The following ETV6 variants were observed in gnomAD, a reference collection of about 807,000 sequenced individuals.
ETV6 encodes the protein ETS variant transcription factor 6, also known as transcription factor ETV6.
In ETV6, 16 loss-of-function variants were observed where a neutral mutation model predicts 51.1. That is an observed-to-expected ratio of 0.31 (90% CI 0.21 to 0.48). The LOEUF is 0.48. Among genes scored for constraint, ETV6 ranks in the 20% least tolerant of loss-of-function variants. The probability of loss-of-function intolerance (pLI) is 0.99; values close to 1 mark genes in which losing one functional copy is unlikely to be tolerated. For synonymous variants in ETV6, 240 were observed against 224.1 expected, an observed-to-expected ratio of 1.07 and a Z score of -0.64; for missense variants, 458 against 594.8, an observed-to-expected ratio of 0.77 and a Z score of 2.39.
In ETV6 at chr12:11,891,456, C is replaced by G; in HGVS notation, c.*410C>G. 2.9e-6 allele frequency: 1 copy of G among 343,574 alleles called. No homozygotes were observed. Among genetic ancestry groups the G allele is most frequent in the South Asian group, 3.1e-5 (1 of 31,978 alleles). The allele number at this position is 343,574 out of a possible 1,614,324, so 21.3% of individuals were successfully genotyped here. On this transcript the variant is annotated 3_prime_UTR_variant, in exon 8 of 8. Transcript: ENST00000396373. ...GTTGTTTTCCTATGGAAATATATAT[C>G]TATTATATATATATTTTTTGCAAAT...
At chr12:11,676,649 T>A (rs962806301) in intron 1 of ETV6, among the ~76,000 whole-genome samples, 3 of 152,214 alleles carry the variant, frequency 2.0e-5, no homozygotes, top group Admixed American at 6.5e-5. Context: ...GGATGAGATG[T>A]CCCTCATATG....
intron 1 of ETV6, among the ~76,000 whole-genome samples, chr12:11,696,950 G>A (rs1287915869): frequency 6.6e-6 from 1 of 152,156 alleles, no homozygotes. Context: ...TAGCAATTTG[G>A]CTGACACATG....
chr12:11,652,549 C>G (rs1198869684), intron 1 of ETV6, among the ~76,000 whole-genome samples: 2 of 152,244 alleles, frequency 1.3e-5, no homozygotes, highest in Admixed American at 1.3e-4. Flanking sequence ...CCTGATATAC[C>G]GAACTCCTGT....
chr12:11,873,317 C>A (rs1288727423), intron 5 of ETV6, among the ~76,000 whole-genome samples: 1 of 152,114 alleles, frequency 6.6e-6, no homozygotes, highest in African/African-American at 2.4e-5. Flanking sequence ...TTTGAGGATA[C>A]CCCTGTGTGT....
chr12:11,853,401 G>T, intron 3 of ETV6, 26 bp from the exon 4 acceptor site: 1 of 1,613,578 alleles, frequency 6.2e-7, no homozygotes, highest in South Asian at 1.1e-5. Flanking sequence ...TCCATTTCTC[G>T]ATTTCCCTTT....
intron 4 of ETV6, among the ~76,000 whole-genome samples, chr12:11,861,841 G>C (rs527396638): frequency 6.6e-6 from 1 of 152,276 alleles, no homozygotes; most frequent in Admixed American, 6.5e-5. Flanking sequence ...ATACATGATT[G>C]AGAGGATTAC....
intron 1 of ETV6, among the ~76,000 whole-genome samples, chr12:11,697,870 C>T (rs1162921799): frequency 1.3e-5 from 2 of 152,106 alleles, no homozygotes; most frequent in Non-Finnish European, 2.9e-5. Flanking sequence ...CATAACTAAG[C>T]CCCGAGAGAT....
intron 2 of ETV6, among the ~76,000 whole-genome samples, chr12:11,786,719 C>T (rs916323713): frequency 4.4e-4 from 67 of 152,190 alleles, no homozygotes; most frequent in Admixed American, 2.0e-3. Context: ...ACTCTTCCAG[C>T]ATTAAAATAC....
intron 2 of ETV6, among the ~76,000 whole-genome samples, chr12:11,804,356 C>G (rs1675411153): frequency 1.3e-5 from 2 of 152,366 alleles, no homozygotes; most frequent in East Asian, 1.9e-4. Flanking sequence ...CTTCTGAGTT[C>G]TCAGTATGAA....
At chr12:11,660,008 G>A (rs1371267564) in intron 1 of ETV6, among the ~76,000 whole-genome samples, 1 of 152,078 alleles carries the variant, frequency 6.6e-6, no homozygotes, top group Non-Finnish European at 1.5e-5. Flanking sequence ...AGTATAATAG[G>A]GAAATTAGAG....
rs1310727476 is a variant in ETV6 at position 11,689,813 on chromosome 12, C to A, written c.33+39653C>A. Among the ~76,000 whole-genome samples the A allele has an allele frequency of 8.2e-5, 8 of 97,250 alleles. No homozygotes were observed. The East Asian group carries it at 2.7e-3, about 32-fold the overall frequency. 63.8% of individuals were successfully genotyped at this position (97,250 alleles called of 152,430 possible). ...CCCACTGGGAGTCTTTTTCCCTCCC[C>A]CCCCCCCCCACCCCCCTTTGTCTTT... On this transcript the variant is annotated intron_variant, in intron 1 of 7. Transcript: ENST00000396373.
chr12:11,884,698 T>C (rs892439636), intron 6 of ETV6, 111 bp downstream of exon 6: 39 of 1,344,744 alleles, frequency 2.9e-5, no homozygotes, highest in African/African-American at 8.7e-5. Context: ...CCCATACTTA[T>C]TTAGTTTATT....
intron 2 of ETV6, among the ~76,000 whole-genome samples, chr12:11,757,547 C>T (rs1758567490): frequency 6.6e-6 from 1 of 152,184 alleles, no homozygotes; most frequent in Admixed American, 6.5e-5. Flanking sequence ...GTCCTTGAAG[C>T]AGGTGCTATT....
At chr12:11,842,930 G>A (rs998882753) in intron 3 of ETV6, among the ~76,000 whole-genome samples, 1 of 152,160 alleles carries the variant, frequency 6.6e-6, no homozygotes, top group Non-Finnish European at 1.5e-5. Context: ...AGCAATGCCA[G>A]GACATTCAAG....
chr12:11,711,497 C>T (rs545609099), intron 1 of ETV6, among the ~76,000 whole-genome samples: 5 of 152,278 alleles, frequency 3.3e-5, no homozygotes, highest in Non-Finnish European at 5.9e-5. Context: ...CTTCATACAT[C>T]GTGGTTCCTT....
chr12:11,757,744 C>CT (rs1461708362), intron 2 of ETV6, among the ~76,000 whole-genome samples: 1 of 152,178 alleles, frequency 6.6e-6, no homozygotes, highest in Non-Finnish European at 1.5e-5. Flanking sequence ...CCGCTGAAGT[C>CT]TGGGCAGCCA....
intron 2 of ETV6, among the ~76,000 whole-genome samples, chr12:11,785,189 A>G (rs1945468139): frequency 2.0e-5 from 3 of 152,098 alleles, no homozygotes; most frequent in Admixed American, 2.0e-4. Context: ...TAAGTCTGGC[A>G]AGACATGATG....
chr12:11,822,165 C>T lies in ETV6; in HGVS notation c.164-16975C>T, dbSNP rs374281795. 4.6e-5 allele frequency among the ~76,000 whole-genome samples: 7 copies of T among 152,280 alleles called. No homozygotes were observed. The East Asian group carries it at 5.8e-4, about 13-fold the overall frequency. On this transcript the variant is annotated intron_variant, in intron 2 of 7. Transcript: ENST00000396373. ...GACATGCCCTGCGCCTGATCCGGGA[C>T]GCGAGGCATAGTGGGCATCTCCTAG...
chr12:11,731,373 A>G (rs1282440448), intron 1 of ETV6, among the ~76,000 whole-genome samples: 1 of 152,160 alleles, frequency 6.6e-6, no homozygotes, highest in Admixed American at 6.5e-5. Flanking sequence ...ATGGTTTTCT[A>G]CGTACTCAAA....
Sources: gnomAD v4.1 joint callset for allele counts (sites outside exome capture counted in the v4.1 genomes callset) on GRCh38, gnomAD v4.1.1 for gene constraint, MANE v1.5 for transcripts, NCBI Gene and HGNC (gene_info 2026-07-23, HGNC 2026-07-21) for gene names.